SLC2A9: variants seen among roughly 807,000 people sequenced by gnomAD.
SLC2A9 encodes the protein solute carrier family 2 member 9, also known as solute carrier family 2, facilitated glucose transporter member 9.
A neutral mutation model predicts 50.6 loss-of-function variants in SLC2A9; 39 were observed. The observed-to-expected ratio is 0.77, with a 90% CI of 0.60 to 1.01. The LOEUF (loss-of-function observed/expected upper bound fraction) is 1.01. Ranked by LOEUF, SLC2A9 falls within the 50% of genes least tolerant of loss-of-function variation. The pLI, the probability that SLC2A9 is intolerant of heterozygous loss-of-function variation, is 0.00. For synonymous variants in SLC2A9, 324 were observed against 276.9 expected (o/e 1.17, Z -1.69); for missense variants, 686 against 677.6 (o/e 1.01, Z -0.14).
chr4:9,963,652 C>A lies in SLC2A9; in HGVS notation c.681+16940G>T, dbSNP rs192513929. On this transcript the variant is annotated intron_variant, in intron 5 of 11. Transcript: ENST00000264784. ...GAGGGCCTCTCAAGAGGCCCCTGCT[C>A]GCTGGGTTTTGCAGGATGACAACAG... 2.0e-5 allele frequency among the ~76,000 whole-genome samples: 3 copies of A among 152,204 alleles called. No individual in the cohort carries two copies. The East Asian group carries it at 5.8e-4, about 29-fold the overall frequency.
At chr4:9,781,121 C>CTACTGGACACCTCATCCTAGACGGCT (rs1718299471) in intron 3 of SLC2A9, among the ~76,000 whole-genome samples, 1 of 152,146 alleles carries the variant, frequency 6.6e-6, no homozygotes, top group South Asian at 2.1e-4. Context: ...GAGACACTGT[C>CTACTGGACACCTCATCCTAGACGGCT]TACTGGACAC....
chr4:9,983,717 A>C (rs1756258643), intron 4 of SLC2A9, among the ~76,000 whole-genome samples: 1 of 152,204 alleles, frequency 6.6e-6, no homozygotes, highest in Non-Finnish European at 1.5e-5. Flanking sequence ...TACTATTTGA[A>C]GCCATTAAGT....
At chr4:9,908,210 C>A (rs1336625697) in intron 8 of SLC2A9, 25 bp downstream of exon 8, 1 of 1,526,376 alleles carries the variant, frequency 6.6e-7, no homozygotes, top group Non-Finnish European at 9.1e-7. Context: ...GTGGCATTCT[C>A]AGGAGTAACC....
chr4:9,997,558 G>A (rs571174461), intron 2 of SLC2A9, among the ~76,000 whole-genome samples: 96 of 152,242 alleles, frequency 6.3e-4, no homozygotes, highest in African/African-American at 2.2e-3. Context: ...AAATTTGCCA[G>A]GTGTGGTGGC....
At chr4:9,975,577 G>A (rs779978246) in intron 5 of SLC2A9, among the ~76,000 whole-genome samples, 59 of 152,290 alleles carry the variant, frequency 3.9e-4, no homozygotes, top group Admixed American at 7.2e-4. Context: ...AGTCAGAAGG[G>A]CTGTGATTAA....
At chr4:9,797,356 A>G (rs1720714368), downstream of SLC2A9, among the ~76,000 whole-genome samples, 1 of 152,232 alleles carries the variant, frequency 6.6e-6, no homozygotes, top group Admixed American at 6.5e-5. Flanking sequence ...AAAATGGCTA[A>G]GCCTAGAACC....
chr4:9,904,062 T>C (rs2109937212), intron 8 of SLC2A9, among the ~76,000 whole-genome samples: 1 of 151,854 alleles, frequency 6.6e-6, no homozygotes, highest in East Asian at 1.9e-4. Flanking sequence ...TTACCTTATA[T>C]TGATGCTCTG....
intron 3 of SLC2A9, among the ~76,000 whole-genome samples, chr4:9,805,316 G>A (rs942593260): frequency 2.6e-5 from 4 of 152,238 alleles, no homozygotes; most frequent in Admixed American, 6.5e-5. Flanking sequence ...GAGCTGGATC[G>A]AAAAGCCTCT....
chr4:9,835,672 C>T (rs1443626260), intron 10 of SLC2A9, among the ~76,000 whole-genome samples: 1 of 152,166 alleles, frequency 6.6e-6, no homozygotes, highest in African/African-American at 2.4e-5. Context: ...CATGCGGAAC[C>T]CTTGTCTGCT....
chr4:9,894,909 CAT>C (rs1009361473), intron 8 of SLC2A9, among the ~76,000 whole-genome samples: 6 of 152,162 alleles, frequency 3.9e-5, no homozygotes, highest in South Asian at 2.1e-4. Flanking sequence ...GAGATCAGCA[CAT>C]GTTACATTGT....
At chr4:9,894,561 T>C (rs935603708) in intron 8 of SLC2A9, among the ~76,000 whole-genome samples, 1 of 152,216 alleles carries the variant, frequency 6.6e-6, no homozygotes, top group African/African-American at 2.4e-5. Flanking sequence ...CTGTCCCCTG[T>C]ATTATGTCTT....
intron 7 of SLC2A9, among the ~76,000 whole-genome samples, chr4:9,912,456 TTC>T (rs1742035321): frequency 6.6e-6 from 1 of 152,160 alleles, no homozygotes; most frequent in African/African-American, 2.4e-5. Flanking sequence ...AATTTGGGTC[TTC>T]TCAAGTCCCT....
chr4:9,780,761 T>G (rs1718244183), intron 3 of SLC2A9, among the ~76,000 whole-genome samples: 1 of 152,224 alleles, frequency 6.6e-6, no homozygotes, highest in South Asian at 2.1e-4. Flanking sequence ...TCAGGAACAC[T>G]GTTTTCCCTC....
intron 3 of SLC2A9, among the ~76,000 whole-genome samples, chr4:9,799,736 A>G (rs114021909): frequency 0.017 from 2,037 of 117,754 alleles, 26 homozygotes; most frequent in Middle Eastern, 0.087. Context: ...GTGAAGCCCT[A>G]TGTAATCTCA....
chr4:9,832,999 G>A (rs1560166940), intron 11 of SLC2A9, among the ~76,000 whole-genome samples: 1 of 152,182 alleles, frequency 6.6e-6, no homozygotes, highest in Admixed American at 6.5e-5. Flanking sequence ...TGAAGGTGCT[G>A]GAACTTCTCT....
chr4:9,871,602 G>A (rs1307403265), intron 10 of SLC2A9, among the ~76,000 whole-genome samples: 3 of 151,948 alleles, frequency 2.0e-5, no homozygotes, highest in South Asian at 4.2e-4. Context: ...TGAATTTAGG[G>A]GCCACCCTAA....
chr4:9,862,799 T>A (rs937345392), intron 10 of SLC2A9, among the ~76,000 whole-genome samples: 1 of 152,058 alleles, frequency 6.6e-6, no homozygotes, highest in Non-Finnish European at 1.5e-5. Flanking sequence ...CACTGGTCAG[T>A]AATCCTCAAT....
intron 3 of SLC2A9, chr4:9,783,534 A>C: frequency 7.2e-7 from 1 of 1,381,610 alleles, no homozygotes; most frequent in Admixed American, 2.2e-5. Flanking sequence ...CACACACGCA[A>C]ATACATGCCT....
At chr4:9,817,665 T>G (rs1218357535) in intron 3 of SLC2A9, among the ~76,000 whole-genome samples, 1 of 152,242 alleles carries the variant, frequency 6.6e-6, no homozygotes, top group African/African-American at 2.4e-5. Context: ...GTCCTTTTGC[T>G]AAATGAATGG....
Sources: gnomAD v4.1 joint callset for allele counts (sites outside exome capture counted in the v4.1 genomes callset) on GRCh38, gnomAD v4.1.1 for gene constraint, MANE v1.5 for transcripts, NCBI Gene and HGNC (gene_info 2026-07-23, HGNC 2026-07-21) for gene names.